TACR1: variants seen among roughly 807,000 people sequenced by gnomAD.
TACR1 encodes substance-P receptor.
A neutral mutation model predicts 35.8 loss-of-function variants in TACR1; 25 were observed. That is an observed-to-expected ratio of 0.70 (90% CI 0.51 to 0.98). TACR1 has a LOEUF of 0.98. TACR1 is among the 50% of genes least tolerant of loss of function. The probability of loss-of-function intolerance (pLI) is 0.00; values close to 1 mark genes in which losing one functional copy is unlikely to be tolerated. For synonymous variants in TACR1, 195 were observed against 206.7 expected, an observed-to-expected ratio of 0.94 and a Z score of 0.48; for missense variants, 478 against 522.9, an observed-to-expected ratio of 0.91 and a Z score of 0.84.
intron 1 of TACR1, among the ~76,000 whole-genome samples, chr2:75,197,838 C>T (rs1295573082): frequency 6.6e-6 from 1 of 152,164 alleles, no homozygotes; most frequent in Non-Finnish European, 1.5e-5. Context: ...CTTCCTGGAT[C>T]CCTATCCGTG....
intron 1 of TACR1, among the ~76,000 whole-genome samples, chr2:75,171,784 C>G (rs182154404): frequency 1.1e-3 from 173 of 152,324 alleles, no homozygotes; most frequent in African/African-American, 4.1e-3. Context: ...ATTTCTCCCA[C>G]TTGGAATGGG....
chr2:75,126,237 G>A (rs558197028), intron 1 of TACR1, among the ~76,000 whole-genome samples: 24 of 152,088 alleles, frequency 1.6e-4, no homozygotes, highest in African/African-American at 5.1e-4. Context: ...TCATGTTCCC[G>A]TAAAATACAC....
Position 75,047,976 on chromosome 2 carries a change from A to G in TACR1, c.*1456T>C, listed in dbSNP as rs1672394307. ...AAAAACACAGATTTGGGAGACAGAAAAAAAAACAAAACAAAACTGCATGCT... is the reference window on the plus strand; with the variant it reads ...AAAAACACAGATTTGGGAGACAGAAGAAAAAACAAAACAAAACTGCATGCT... On this transcript the variant is annotated 3_prime_UTR_variant, in exon 5 of 5. Coordinates refer to ENST00000305249, the MANE Select transcript of TACR1 (RefSeq NM_001058.4). 6.6e-6 allele frequency: 1 copy of G among 152,252 alleles called. No individual in the cohort carries two copies. The allele number at this position is 152,252 out of a possible 1,614,324, so 9.4% of individuals were successfully genotyped here.
rs112301014 is a variant in TACR1, at chr2:75,121,237, T to C, written c.390-469A>G. ...AGCAGTCCTACCTCGGTCCATACAA[T>C]TTGAGGGGAAGTAAACATGTCTCTG... is the stretch of plus-strand genomic sequence containing the variant. On this transcript the variant is annotated intron_variant, in intron 1 of 4. Transcript: ENST00000305249. Among the ~76,000 whole-genome samples, 466 of 152,304 alleles carry C rather than the reference T, an allele frequency of 3.1e-3. 3 individuals are homozygous for C. The highest frequency in any genetic ancestry group is 9.8e-3 in the African/African-American group (409 of 41,560).
chr2:75,192,717 G>A (rs966352901), intron 1 of TACR1, among the ~76,000 whole-genome samples: 1 of 152,192 alleles, frequency 6.6e-6, no homozygotes, highest in Non-Finnish European at 1.5e-5. Context: ...CAAGCTGTGA[G>A]GGGGTGGAGA....
intron 2 of TACR1, among the ~76,000 whole-genome samples, chr2:75,056,920 G>T (rs1672579966): frequency 6.6e-6 from 1 of 152,090 alleles, no homozygotes; most frequent in South Asian, 2.1e-4. Context: ...TTTAGGTATA[G>T]ACACCAAAAA....
At chr2:75,186,231 G>A (rs1416016944) in intron 1 of TACR1, among the ~76,000 whole-genome samples, 1 of 151,898 alleles carries the variant, frequency 6.6e-6, no homozygotes, top group African/African-American at 2.4e-5. Flanking sequence ...AATTAGCTGG[G>A]TTTGGTGGCT....
intron 1 of TACR1, among the ~76,000 whole-genome samples, chr2:75,162,656 G>A (rs1187311808): frequency 6.6e-6 from 1 of 152,194 alleles, no homozygotes; most frequent in Non-Finnish European, 1.5e-5. Context: ...ACAGTTCCCT[G>A]TAATTGAAGG....
chr2:75,124,384 C>G (rs977551081), intron 1 of TACR1, among the ~76,000 whole-genome samples: 2 of 152,208 alleles, frequency 1.3e-5, no homozygotes, highest in African/African-American at 2.4e-5. Context: ...CGTCTTTCCT[C>G]TACGATGAGA....
chr2:75,153,258 A>G (rs1229551528), intron 1 of TACR1, among the ~76,000 whole-genome samples: 2 of 152,226 alleles, frequency 1.3e-5, no homozygotes, highest in African/African-American at 4.8e-5. Context: ...GGGTAGGAAC[A>G]ATACACAATC....
chr2:75,084,184 T>C (rs1350043667), intron 2 of TACR1, among the ~76,000 whole-genome samples: 1 of 152,228 alleles, frequency 6.6e-6, no homozygotes, highest in Non-Finnish European at 1.5e-5. Flanking sequence ...ATTGAGATAA[T>C]CATGTGGTTT....
intron 2 of TACR1, among the ~76,000 whole-genome samples, chr2:75,056,900 C>A (rs1236064800): frequency 1.3e-5 from 2 of 152,162 alleles, no homozygotes; most frequent in African/African-American, 4.8e-5. Flanking sequence ...TAGGATCCAG[C>A]AATTCTATTT....
chr2:75,123,680 T>C (rs1056996159), intron 1 of TACR1, among the ~76,000 whole-genome samples: 2 of 152,086 alleles, frequency 1.3e-5, no homozygotes, highest in African/African-American at 4.8e-5. Context: ...TGTTTATAAA[T>C]CTCCCTCCCT....
chr2:75,091,070 C>T (rs1398471844), intron 2 of TACR1, among the ~76,000 whole-genome samples: 2 of 151,840 alleles, frequency 1.3e-5, no homozygotes, highest in Non-Finnish European at 2.9e-5. Context: ...ATATAACCTT[C>T]ATTCTTGGCT....
chr2:75,076,373 CACACAGAAGCTTATAA>C (rs1409393420), intron 2 of TACR1, among the ~76,000 whole-genome samples: 1 of 152,212 alleles, frequency 6.6e-6, no homozygotes, highest in African/African-American at 2.4e-5. Flanking sequence ...CAGCTTTGCA[CACACAGAAGCTTATAA>C]ACCTTTTTGT....
chr2:75,159,070 G>C (rs1674938804), intron 1 of TACR1, among the ~76,000 whole-genome samples: 1 of 151,700 alleles, frequency 6.6e-6, no homozygotes, highest in Non-Finnish European at 1.5e-5. Context: ...TAATGTTTTA[G>C]AGAGATAAAC....
intron 1 of TACR1, among the ~76,000 whole-genome samples, chr2:75,149,019 A>T (rs1360339118): frequency 6.6e-6 from 1 of 152,192 alleles, no homozygotes; most frequent in African/African-American, 2.4e-5. Flanking sequence ...TTTGTCAAAG[A>T]TCAGATAGTT....
intron 1 of TACR1, among the ~76,000 whole-genome samples, chr2:75,181,016 G>A (rs1235818316): frequency 1.3e-5 from 2 of 152,170 alleles, no homozygotes; most frequent in African/African-American, 4.8e-5. Flanking sequence ...TAAACTGGGA[G>A]AAGCTTTAAC....
At position 75,051,423 on chromosome 2, in the gene TACR1, C is replaced by T. The variant is rs1434484641; in HGVS notation, c.760G>A (p.Val254Met). 2 of 1,613,942 alleles carry T rather than the reference C, an allele frequency of 1.2e-6. No individual in the cohort carries two copies. Among genetic ancestry groups the T allele is most frequent in the African/African-American group, 1.3e-5 (1 of 74,912 alleles). The stretch of plus-strand genomic sequence containing the variant: ...AGCCAGCAGATGGCGAAGGTGCACA[C>T]CACGACAATCATCATTTTGACCACC... Reference protein sequence around the residue: ...RKVVKMMIVVVCTFAICWLPF... With the variant: ...RKVVKMMIVVMCTFAICWLPF... Residue 254 changes from valine (V) to methionine (M), a missense_variant, in exon 4 of 5, where the codon GTG (valine) becomes ATG (methionine). Physicochemically the swap from Val to Met is conservative, Grantham distance 21. Transcript: ENST00000305249.
Sources: gnomAD v4.1 joint callset for allele counts (sites outside exome capture counted in the v4.1 genomes callset) on GRCh38, gnomAD v4.1.1 for gene constraint, MANE v1.5 for transcripts, NCBI Gene and HGNC (gene_info 2026-07-23, HGNC 2026-07-21) for gene names.